GNG12: variants seen among roughly 807,000 people sequenced by gnomAD.
GNG12 encodes guanine nucleotide-binding protein G(I)/G(S)/G(O) subunit gamma-12.
For synonymous variants in GNG12, 28 were observed against 29.7 expected, an observed-to-expected ratio of 0.94 and a Z score of 0.19; for missense variants, 69 against 83.8, an observed-to-expected ratio of 0.82 and a Z score of 0.69.
At chr1:67,764,884 AAC>A (rs1467271383) in intron 2 of GNG12, among the ~76,000 whole-genome samples, 1 of 152,196 alleles carries the variant, frequency 6.6e-6, no homozygotes, top group African/African-American at 2.4e-5. Context: ...AAGTAGCAAG[AAC>A]ACAGAGGAAT....
intron 2 of GNG12, among the ~76,000 whole-genome samples, chr1:67,713,231 C>A (rs1387031730): frequency 6.6e-6 from 1 of 152,208 alleles, no homozygotes; most frequent in Non-Finnish European, 1.5e-5. Flanking sequence ...AGGGCCAAGG[C>A]CTGTGCATGC....
chr1:67,818,413 GTTTTTTTTTTTTTTT>G (rs1163831257), intron 1 of GNG12, among the ~76,000 whole-genome samples: 2 of 83,882 alleles, frequency 2.4e-5, no homozygotes, highest in South Asian at 5.9e-4. Context: ...AAGACCAGGG[GTTTTTTTTTTTTTTT>G]TTTTTTTTTT....
chr1:67,776,617 C>T lies in GNG12; in HGVS notation c.-27+841G>A, dbSNP rs963926304. On this transcript the variant is annotated intron_variant, in intron 2 of 3. Transcript: ENST00000370982. ...TGGCTTAGTCATCATTATCTCTCCA[C>T]CTGACAGCCAGTGACCCCCAGAAAC... Among the ~76,000 whole-genome samples the T allele has an allele frequency of 3.3e-5, 5 of 152,236 alleles. No individual in the cohort carries two copies. In the East Asian group the frequency reaches 9.7e-4, roughly 29 times the overall value.
At chr1:67,815,196 C>T (rs1437265701) in intron 1 of GNG12, among the ~76,000 whole-genome samples, 2 of 152,194 alleles carry the variant, frequency 1.3e-5, no homozygotes, top group African/African-American at 4.8e-5. Context: ...ATCAAGGCCA[C>T]AAATCGTTTC....
intron 1 of GNG12, among the ~76,000 whole-genome samples, chr1:67,797,851 A>G (rs1392656533): frequency 2.6e-5 from 4 of 152,138 alleles, no homozygotes; most frequent in Admixed American, 1.3e-4. Context: ...AGGTGACTGC[A>G]CCGGCCAGGC....
At chr1:67,757,143 A>G (rs2100733490) in intron 2 of GNG12, among the ~76,000 whole-genome samples, 1 of 152,350 alleles carries the variant, frequency 6.6e-6, no homozygotes, top group African/African-American at 2.4e-5. Flanking sequence ...TCTAAACTTG[A>G]AATTCATTTA....
intron 1 of GNG12, among the ~76,000 whole-genome samples, chr1:67,812,297 T>G (rs1408264112): frequency 1.3e-5 from 2 of 152,156 alleles, no homozygotes; most frequent in Non-Finnish European, 2.9e-5. Context: ...AAATAAAGGT[T>G]GCAAATGGAG....
chr1:67,777,106 A>G (rs1646710071), intron 2 of GNG12: 1 of 152,182 alleles, frequency 6.6e-6, no homozygotes, highest in African/African-American at 2.4e-5. Flanking sequence ...TTTCATTACA[A>G]CACACTACAA....
intron 1 of GNG12, among the ~76,000 whole-genome samples, chr1:67,796,249 G>A (rs1194065856): frequency 6.6e-6 from 1 of 152,190 alleles, no homozygotes; most frequent in East Asian, 1.9e-4. Flanking sequence ...TGAATGCTGT[G>A]TATGTGAAAA....
intron 1 of GNG12, among the ~76,000 whole-genome samples, chr1:67,806,458 A>G (rs971222014): frequency 5.3e-5 from 8 of 152,082 alleles, no homozygotes; most frequent in Admixed American, 4.6e-4. Context: ...ATGGAGGGCC[A>G]ACTTTCCATA....
intron 1 of GNG12, among the ~76,000 whole-genome samples, chr1:67,803,698 T>C (rs907148058): frequency 2.4e-4 from 36 of 152,336 alleles, no homozygotes; most frequent in African/African-American, 8.2e-4. Flanking sequence ...TTAGAAAATG[T>C]AGATAGCATA....
At chr1:67,822,274 A>C (rs1646988869) in intron 1 of GNG12, among the ~76,000 whole-genome samples, 1 of 151,982 alleles carries the variant, frequency 6.6e-6, no homozygotes, top group Non-Finnish European at 1.5e-5. Context: ...CAGGAAAGTC[A>C]AAAGATTGGA....
At chr1:67,748,294 A>C (rs1646518495) in intron 2 of GNG12, among the ~76,000 whole-genome samples, 1 of 152,216 alleles carries the variant, frequency 6.6e-6, no homozygotes, top group Non-Finnish European at 1.5e-5. Context: ...TCAAGAAAGA[A>C]ATTCCTGGCT....
intron 3 of GNG12, among the ~76,000 whole-genome samples, chr1:67,706,540 C>T (rs1471446933): frequency 1.3e-5 from 2 of 152,190 alleles, no homozygotes; most frequent in African/African-American, 4.8e-5. Context: ...AGCAATGGGG[C>T]AGCTGAGCCC....
chr1:67,829,396 T>C (rs1279183397), intron 1 of GNG12, among the ~76,000 whole-genome samples: 1 of 152,224 alleles, frequency 6.6e-6, no homozygotes, highest in African/African-American at 2.4e-5. Context: ...AAAATGATGA[T>C]TGTCTAATTC....
chr1:67,749,017 G>A (rs1208512061), intron 2 of GNG12, among the ~76,000 whole-genome samples: 1 of 151,920 alleles, frequency 6.6e-6, no homozygotes, highest in African/African-American at 2.4e-5. Flanking sequence ...TATTTTCCAA[G>A]GACTTTCCCT....
intron 2 of GNG12, among the ~76,000 whole-genome samples, chr1:67,737,746 T>A (rs1048025447): frequency 2.6e-5 from 4 of 152,082 alleles, no homozygotes; most frequent in Non-Finnish European, 4.4e-5. Context: ...TGCAACAACA[T>A]CTTCATATAC....
chr1:67,726,044 T>G (rs1003731923), intron 2 of GNG12, among the ~76,000 whole-genome samples: 1 of 152,152 alleles, frequency 6.6e-6, no homozygotes, highest in Admixed American at 6.5e-5. Context: ...GAGCATGAAG[T>G]GGAATGGAGT....
intron 2 of GNG12, among the ~76,000 whole-genome samples, chr1:67,728,075 T>C (rs1238180268): frequency 1.3e-5 from 2 of 152,206 alleles, no homozygotes; most frequent in Non-Finnish European, 2.9e-5. Context: ...AAGCAGATCA[T>C]ACCTGCACTT....
Sources: gnomAD v4.1 joint callset for allele counts (sites outside exome capture counted in the v4.1 genomes callset) on GRCh38, gnomAD v4.1.1 for gene constraint, MANE v1.5 for transcripts, NCBI Gene and HGNC (gene_info 2026-07-23, HGNC 2026-07-21) for gene names.